Variants in EEFSEC observed in about 807,000 individuals in gnomAD.
EEFSEC encodes the protein selenocysteine-specific elongation factor.
Under a neutral mutation model 42.1 loss-of-function variants are expected in EEFSEC, and 43 were observed. That is an observed-to-expected ratio of 1.02 (90% CI 0.80 to 1.32). The LOEUF is 1.32. Ranked by LOEUF, EEFSEC falls within the 40% of genes most tolerant of loss-of-function variation. The pLI, the probability that EEFSEC is intolerant of heterozygous loss-of-function variation, is 0.00. For missense variants in EEFSEC, 745 were observed against 803.6 expected, an observed-to-expected ratio of 0.93 and a Z score of 0.88; for synonymous variants, 354 against 339.1, an observed-to-expected ratio of 1.04 and a Z score of -0.48.
intron 4 of EEFSEC, among the ~76,000 whole-genome samples, chr3:128,324,088 C>T (rs916208541): frequency 6.6e-6 from 1 of 152,196 alleles, no homozygotes; most frequent in African/African-American, 2.4e-5. Flanking sequence ...TGAATTCATC[C>T]TCACCTTGCA....
intron 4 of EEFSEC, among the ~76,000 whole-genome samples, chr3:128,324,081 A>G (rs1199310332): frequency 6.6e-6 from 1 of 152,182 alleles, no homozygotes; most frequent in East Asian, 1.9e-4. Context: ...CCTCAGCTGA[A>G]TTCATCCTCA....
chr3:128,403,325 G>A (rs1029775823), intron 6 of EEFSEC, among the ~76,000 whole-genome samples: 6 of 152,176 alleles, frequency 3.9e-5, no homozygotes, highest in Non-Finnish European at 5.9e-5. Context: ...ACACAGGGGC[G>A]GGGCTGTGAG....
chr3:128,351,400 A>C (rs568550746), intron 5 of EEFSEC, among the ~76,000 whole-genome samples: 1 of 152,274 alleles, frequency 6.6e-6, no homozygotes, highest in East Asian at 1.9e-4. Context: ...AACCTTTTTC[A>C]AGGAGGAAAC....
At chr3:128,423,223 T>G in the EEFSEC span, among the ~76,000 whole-genome samples, 1 of 152,300 alleles carries the variant, frequency 6.6e-6, no homozygotes, top group Admixed American at 6.5e-5. Context: ...TGCCAAAAAA[T>G]GGAAGCAACC....
At chr3:128,241,004 G>A (rs999279125) in intron 1 of EEFSEC, among the ~76,000 whole-genome samples, 1 of 152,162 alleles carries the variant, frequency 6.6e-6, no homozygotes, top group African/African-American at 2.4e-5. Context: ...AAACCTGCCC[G>A]TTTTGTCCTG....
At chr3:128,196,172 C>T (rs1187375611) in intron 1 of EEFSEC, among the ~76,000 whole-genome samples, 2 of 152,218 alleles carry the variant, frequency 1.3e-5, no homozygotes, top group Non-Finnish European at 2.9e-5. Context: ...TAATAATTGT[C>T]TTCTGACATA....
At chr3:128,307,650 C>G (rs547746676) in intron 4 of EEFSEC, among the ~76,000 whole-genome samples, 10 of 152,310 alleles carry the variant, frequency 6.6e-5, no homozygotes, top group Non-Finnish European at 1.5e-5. Flanking sequence ...GCAACAAGAA[C>G]AGACAGGAAA....
In EEFSEC at chr3:128,358,486, C is replaced by T. The variant is rs2067485881; in HGVS notation, c.1600+113C>T. On this transcript the variant is annotated intron_variant, in intron 6 of 6. Coordinates refer to ENST00000254730, the MANE Select transcript of EEFSEC (RefSeq NM_021937.5). ...CTTAGGTTCCTAATCCTGCCTTTGCCGAGACACGGGGTGACTTGGCCTGCC... is the reference window on the plus strand; with the variant it reads ...CTTAGGTTCCTAATCCTGCCTTTGCTGAGACACGGGGTGACTTGGCCTGCC... The T allele has an allele frequency of 5.4e-6, 8 of 1,470,030 alleles. No individual in the cohort carries two copies. In the South Asian group the frequency reaches 6.7e-5, roughly 12 times the overall value. 91.1% of individuals were successfully genotyped at this position (1,470,030 alleles called of 1,614,324 possible). A position where few individuals can be genotyped will look rare whatever the true frequency, so the allele number is the denominator to read the frequency against.
intron 1 of EEFSEC, among the ~76,000 whole-genome samples, chr3:128,245,501 G>A (rs2066117969): frequency 6.6e-6 from 1 of 152,216 alleles, no homozygotes. Context: ...AGGAGAGGAG[G>A]CTGGACAGGG....
chr3:128,174,483 C>T (rs964417855), intron 1 of EEFSEC, among the ~76,000 whole-genome samples: 1 of 152,150 alleles, frequency 6.6e-6, no homozygotes, highest in Non-Finnish European at 1.5e-5. Flanking sequence ...TAATAGTTGC[C>T]TCTGGAAAAC....
chr3:128,224,184 A>T (rs1394207419), intron 1 of EEFSEC, among the ~76,000 whole-genome samples: 2 of 152,224 alleles, frequency 1.3e-5, no homozygotes, highest in Non-Finnish European at 2.9e-5. Context: ...ACCTTGAGAA[A>T]TGAAGCACCA....
intron 4 of EEFSEC, among the ~76,000 whole-genome samples, chr3:128,281,834 T>C (rs2066529353): frequency 1.3e-5 from 2 of 152,166 alleles, no homozygotes; most frequent in African/African-American, 4.8e-5. Context: ...CGACTTGCAC[T>C]CTCCGGTTCT....
chr3:128,361,359 C>A (rs1042171606), intron 6 of EEFSEC, among the ~76,000 whole-genome samples: 5 of 152,146 alleles, frequency 3.3e-5, no homozygotes, highest in Non-Finnish European at 7.4e-5. Flanking sequence ...TATATGGGAA[C>A]GTAGGCCTGG....
At chr3:128,330,458 A>T (rs1490660724) in intron 4 of EEFSEC, among the ~76,000 whole-genome samples, 3 of 152,202 alleles carry the variant, frequency 2.0e-5, no homozygotes, top group African/African-American at 7.2e-5. Flanking sequence ...GCACAGGCAC[A>T]CACTGGACAG....
chr3:128,280,432 T>C (rs1161107217), intron 4 of EEFSEC, among the ~76,000 whole-genome samples: 1 of 152,250 alleles, frequency 6.6e-6, no homozygotes. Context: ...CCTTGTGCCC[T>C]CACTCGGCTT....
intron 1 of EEFSEC, among the ~76,000 whole-genome samples, chr3:128,185,411 T>C (rs1020501803): frequency 1.3e-5 from 2 of 152,112 alleles, no homozygotes; most frequent in African/African-American, 4.8e-5. Flanking sequence ...TTCTTTTGTG[T>C]GCAACCATAT....
At chr3:128,207,236 T>C (rs2065706725) in intron 1 of EEFSEC, among the ~76,000 whole-genome samples, 1 of 145,820 alleles carries the variant, frequency 6.9e-6, no homozygotes, top group Admixed American at 6.9e-5. Context: ...CCTCCATCTC[T>C]CTCTTTCCCT....
At chr3:128,208,371 G>A (rs2065722642) in intron 1 of EEFSEC, among the ~76,000 whole-genome samples, 1 of 152,190 alleles carries the variant, frequency 6.6e-6, no homozygotes, top group African/African-American at 2.4e-5. Context: ...GATGATGACT[G>A]TAAGTTAGGC....
chr3:128,283,054 A>G (rs2066545243), intron 4 of EEFSEC, among the ~76,000 whole-genome samples: 4 of 152,244 alleles, frequency 2.6e-5, no homozygotes, highest in Admixed American at 2.6e-4. Flanking sequence ...CTGAAAACAC[A>G]GCTCTTTCTC....
Sources: allele counts gnomAD v4.1 joint callset (sites outside exome capture counted in the v4.1 genomes callset), GRCh38; gene constraint gnomAD v4.1.1; transcripts MANE v1.5; gene names NCBI Gene and HGNC (gene_info 2026-07-23, HGNC 2026-07-21).